OTUD7A: variants seen among roughly 807,000 people sequenced by gnomAD.
OTUD7A encodes OTU domain-containing protein 7A.
Under a neutral mutation model 65.7 loss-of-function variants are expected in OTUD7A, and 12 were observed. The observed-to-expected ratio is 0.18, with a 90% CI of 0.12 to 0.30. The LOEUF (loss-of-function observed/expected upper bound fraction) is 0.30. Among genes scored for constraint, OTUD7A ranks in the 10% least tolerant of loss-of-function variants. The pLI, the probability that OTUD7A is intolerant of heterozygous loss-of-function variation, is 1.00. For missense variants in OTUD7A, 1,148 were observed against 1,304.8 expected, an observed-to-expected ratio of 0.88 and a Z score of 1.85; for synonymous variants, 641 against 586.3, an observed-to-expected ratio of 1.09 and a Z score of -1.35.
At chr15:31,767,421 G>A (rs1895119412) in intron 1 of OTUD7A, 2 of 774,632 alleles carry the variant, frequency 2.6e-6, no homozygotes, top group Non-Finnish European at 4.8e-6. Flanking sequence ...AACATAAGTT[G>A]GATTATTCAT....
At chr15:31,607,226 G>C (rs1339442939) in intron 3 of OTUD7A, among the ~76,000 whole-genome samples, 1 of 152,188 alleles carries the variant, frequency 6.6e-6, no homozygotes, top group Non-Finnish European at 1.5e-5. Context: ...GCTGAAGAGA[G>C]CTTTTAACAA....
chr15:31,623,492 C>T (rs1421834681), intron 3 of OTUD7A, among the ~76,000 whole-genome samples: 2 of 152,236 alleles, frequency 1.3e-5, no homozygotes, highest in Non-Finnish European at 2.9e-5. Flanking sequence ...GCCTCACTGC[C>T]GCCTTGCAGT....
rs376903932 is a variant in OTUD7A at position 31,593,483 on chromosome 15, C to T, written c.152-23286G>A. On this transcript the variant is annotated intron_variant, in intron 3 of 12. Coordinates refer to ENST00000307050, the MANE Select transcript of OTUD7A (RefSeq NM_001382637.1). ...TGCAAAGCTGGCAGGCTCTCCGTGG[C>T]GAAAACTCTGCTTATAATTGGCCTA... is the stretch of plus-strand genomic sequence containing the variant. 2.0e-4 allele frequency among the ~76,000 whole-genome samples: 31 copies of T among 152,066 alleles called. No individual in the cohort carries two copies. The East Asian group carries it at 3.5e-3, about 17-fold the overall frequency.
chr15:31,828,130 C>T (rs1383893288), intron 1 of OTUD7A, among the ~76,000 whole-genome samples: 1 of 152,102 alleles, frequency 6.6e-6, no homozygotes, highest in East Asian at 1.9e-4. Context: ...CCCTACTTTC[C>T]TCCATCTCAC....
chr15:31,811,248 G>A (rs1306402454), intron 1 of OTUD7A, among the ~76,000 whole-genome samples: 1 of 152,184 alleles, frequency 6.6e-6, no homozygotes, highest in Non-Finnish European at 1.5e-5. Context: ...GAGGTAGACA[G>A]AGGGAGAGAT....
chr15:31,530,628 G>A, intron 6 of OTUD7A, 79 bp downstream of exon 6: 1 of 1,307,976 alleles, frequency 7.6e-7, no homozygotes, highest in Non-Finnish European at 1.1e-6. Flanking sequence ...TCCTTCAATA[G>A]TGTTTCCTTC....
chr15:31,616,028 C>G (rs796174370), intron 3 of OTUD7A, among the ~76,000 whole-genome samples: 1 of 152,264 alleles, frequency 6.6e-6, no homozygotes, highest in Non-Finnish European at 1.5e-5. Flanking sequence ...TTTCTTCTCC[C>G]ACCCCCTCAG....
At chr15:31,550,955 T>C (rs1888303170) in intron 5 of OTUD7A, among the ~76,000 whole-genome samples, 1 of 152,182 alleles carries the variant, frequency 6.6e-6, no homozygotes, top group Non-Finnish European at 1.5e-5. Flanking sequence ...ACAGCTCCTG[T>C]AACCTGTGCA....
intron 2 of OTUD7A, among the ~76,000 whole-genome samples, chr15:31,655,786 G>T (rs562815423): frequency 6.6e-6 from 1 of 152,136 alleles, no homozygotes; most frequent in Non-Finnish European, 1.5e-5. Context: ...AATAACTGAT[G>T]AGGAAAAAAG....
chr15:31,626,823 G>T (rs1890967220), intron 3 of OTUD7A, among the ~76,000 whole-genome samples: 1 of 151,830 alleles, frequency 6.6e-6, no homozygotes, highest in Admixed American at 6.6e-5. Flanking sequence ...TGATTCTCCT[G>T]CCTTGGCCTC....
At chr15:31,521,690 C>T (rs149883536) in intron 8 of OTUD7A, among the ~76,000 whole-genome samples, 2 of 152,114 alleles carry the variant, frequency 1.3e-5, no homozygotes, top group East Asian at 1.9e-4. Context: ...TAGCTACTTC[C>T]GAAAAAAGCT....
intron 1 of OTUD7A, among the ~76,000 whole-genome samples, chr15:31,729,209 C>G (rs920433605): frequency 6.6e-6 from 1 of 152,128 alleles, no homozygotes; most frequent in East Asian, 1.9e-4. Flanking sequence ...TTTCAGGTAT[C>G]CACTGGGGTT....
intron 4 of OTUD7A, among the ~76,000 whole-genome samples, chr15:31,568,859 C>T (rs963087184): frequency 6.6e-6 from 1 of 152,208 alleles, no homozygotes; most frequent in Non-Finnish European, 1.5e-5. Context: ...ATGTGAAGTG[C>T]CTGTTCCCCC....
At chr15:31,598,982 T>TA (rs967058532) in intron 3 of OTUD7A, among the ~76,000 whole-genome samples, 6 of 150,856 alleles carry the variant, frequency 4.0e-5, no homozygotes, top group African/African-American at 1.2e-4. Flanking sequence ...AGGGCATCTC[T>TA]AAAAAAAAAG....
Position 31,495,095 on chromosome 15 carries a change from G to A in OTUD7A, c.1171+6595C>T, listed in dbSNP as rs552227804. On this transcript the variant is annotated intron_variant, in intron 10 of 12. Coordinates refer to ENST00000307050, the MANE Select transcript of OTUD7A (RefSeq NM_001382637.1). ...TAATTTGTAGCTCAGGAGGGGACAG[G>A]CAGGGCTCCTGAGGGGAGGCTGGCA... 2.0e-5 allele frequency among the ~76,000 whole-genome samples: 3 copies of A among 152,240 alleles called. No homozygotes were observed. The South Asian group carries it at 6.2e-4, about 32-fold the overall frequency.
At chr15:31,703,170 C>T (rs1893252962) in intron 1 of OTUD7A, among the ~76,000 whole-genome samples, 2 of 151,748 alleles carry the variant, frequency 1.3e-5, no homozygotes, top group Admixed American at 6.6e-5. Flanking sequence ...AATAAACATA[C>T]GAGAAAATCT....
rs183257141 is a variant in OTUD7A, at chr15:31,601,484, T to G, written c.152-31287A>C. On this transcript the variant is annotated intron_variant, in intron 3 of 12. Coordinates refer to ENST00000307050, the MANE Select transcript of OTUD7A (RefSeq NM_001382637.1). ...GTGTGTAGAGGGAAATTTATAGCAC[T>G]AAATGCCCACAAGAGAAAGCAGGAA... Among the ~76,000 whole-genome samples the G allele has an allele frequency of 3.5e-3, 537 of 152,236 alleles. 5 individuals carry two copies. The highest frequency in any genetic ancestry group is 0.013 in the African/African-American group (520 of 41,536).
intron 3 of OTUD7A, among the ~76,000 whole-genome samples, chr15:31,581,708 G>A (rs1889378104): frequency 6.6e-6 from 1 of 152,214 alleles, no homozygotes; most frequent in Non-Finnish European, 1.5e-5. Flanking sequence ...AAGCAGCAAG[G>A]CCCTGGGCCT....
intron 1 of OTUD7A, among the ~76,000 whole-genome samples, chr15:31,670,956 C>T (rs1330328884): frequency 6.6e-6 from 1 of 151,808 alleles, no homozygotes; most frequent in African/African-American, 2.4e-5. Flanking sequence ...GATTGCACCA[C>T]TGCACTCCAG....
Sources: gnomAD v4.1 joint callset for allele counts (sites outside exome capture counted in the v4.1 genomes callset) on GRCh38, gnomAD v4.1.1 for gene constraint, MANE v1.5 for transcripts, NCBI Gene and HGNC (gene_info 2026-07-23, HGNC 2026-07-21) for gene names.